The following DNAI3 variants were observed in gnomAD, a reference collection of about 807,000 sequenced individuals.
DNAI3 encodes dynein axonemal intermediate chain 3, also known as WD repeat domain 63.
DNAI3 carries 83 observed loss-of-function variants against 115.5 expected under a neutral mutation model. The ratio of observed to expected loss-of-function variants is 0.72; its 90% confidence interval spans 0.60 to 0.86. The LOEUF (loss-of-function observed/expected upper bound fraction) is 0.86, where lower values mean the gene tolerates loss of function less well. Among genes scored for constraint, DNAI3 ranks in the 40% least tolerant of loss-of-function variants. DNAI3 has a pLI of 0.00. For missense variants in DNAI3, 1,004 were observed against 1,075.8 expected, an observed-to-expected ratio of 0.93 and a Z score of 0.93; for synonymous variants, 320 against 347.0, an observed-to-expected ratio of 0.92 and a Z score of 0.86.
chr1:85,114,031 T>TTTTTTTTTA (rs1655737790), intron 16 of DNAI3, among the ~76,000 whole-genome samples: 4 of 125,912 alleles, frequency 3.2e-5, no homozygotes, highest in African/African-American at 8.4e-5. Flanking sequence ...TTTTTTTTTT[T>TTTTTTTTTA]GAGAAGGAGT....
chr1:85,106,045 C>T (rs1655482048), intron 14 of DNAI3, among the ~76,000 whole-genome samples: 1 of 152,136 alleles, frequency 6.6e-6, no homozygotes, highest in Non-Finnish European at 1.5e-5. Flanking sequence ...GAGACTGAGG[C>T]AGGAGAATCA....
intron 4 of DNAI3, 36 bp downstream of exon 4, chr1:85,081,451 C>G (rs756616445): frequency 2.9e-5 from 44 of 1,499,884 alleles, no homozygotes; most frequent in Non-Finnish European, 3.8e-5. Context: ...TCAGTCCTAC[C>G]TCAAGAAGTT....
intron 13 of DNAI3, 133 bp downstream of exon 13, chr1:85,098,791 A>C: frequency 7.5e-7 from 1 of 1,336,216 alleles, no homozygotes; most frequent in Non-Finnish European, 1.0e-6. Flanking sequence ...GCATCAAAAA[A>C]TGGGGTTACT....
chr1:85,064,951 T>C (rs1020231470), intron 1 of DNAI3, among the ~76,000 whole-genome samples: 1 of 152,124 alleles, frequency 6.6e-6, no homozygotes, highest in African/African-American at 2.4e-5. Context: ...GAGAATCGCT[T>C]GAACCCGGGA....
In DNAI3 at chr1:85,079,716, T is replaced by C. The variant is rs567788164; in HGVS notation, c.104-1518T>C. Among the ~76,000 whole-genome samples, 28 of 152,176 alleles carry C rather than the reference T, an allele frequency of 1.8e-4. No homozygotes were observed. In the South Asian group the frequency reaches 5.8e-3, roughly 32 times the overall value. On this transcript the variant is annotated intron_variant, in intron 3 of 22. Coordinates refer to ENST00000294664, the MANE Select transcript of DNAI3 (RefSeq NM_145172.5). ...GGAGGGCAGCAGGCAAAATTCTCCTTTGTCCTCTAGCGTCCACCCTCCCAG... is the reference window on the plus strand; with the variant it reads ...GGAGGGCAGCAGGCAAAATTCTCCTCTGTCCTCTAGCGTCCACCCTCCCAG...
chr1:85,096,084 CTTGG>C, intron 11 of DNAI3, 64 bp downstream of exon 11: 1 of 1,462,094 alleles, frequency 6.8e-7, no homozygotes, highest in South Asian at 1.1e-5. Flanking sequence ...TAAGTTTTGA[CTTGG>C]CAGTTCCTTG....
chr1:85,091,306 AATCC>A (rs1654966405), intron 8 of DNAI3, among the ~76,000 whole-genome samples: 1 of 152,222 alleles, frequency 6.6e-6, no homozygotes, highest in Non-Finnish European at 1.5e-5. Context: ...GTTCAAAATA[AATCC>A]ACATTGTATA....
At chr1:85,093,802 ACTGTCATGTGTC>A in intron 9 of DNAI3, 154 bp downstream of exon 9, 1 of 857,022 alleles carries the variant, frequency 1.2e-6, no homozygotes, top group Non-Finnish European at 1.9e-6. Flanking sequence ...CCACGCCCTC[ACTGTCATGTGTC>A]CTCCCAACAA....
intron 8 of DNAI3, among the ~76,000 whole-genome samples, chr1:85,092,670 A>C (rs796758833): frequency 1.3e-5 from 2 of 152,264 alleles, no homozygotes; most frequent in African/African-American, 4.8e-5. Context: ...GGTATCTTAA[A>C]GGAGCAATGT....
intron 3 of DNAI3, among the ~76,000 whole-genome samples, chr1:85,074,029 G>A (rs1407532110): frequency 6.6e-6 from 1 of 152,156 alleles, no homozygotes; most frequent in African/African-American, 2.4e-5. Context: ...TATTTATTGA[G>A]TTAGTGAAAC....
chr1:85,080,293 C>T (rs1263217510), intron 3 of DNAI3, among the ~76,000 whole-genome samples: 1 of 151,994 alleles, frequency 6.6e-6, no homozygotes, highest in Non-Finnish European at 1.5e-5. Flanking sequence ...CCTCGTGATC[C>T]GCCTGCCTCG....
intron 15 of DNAI3, among the ~76,000 whole-genome samples, chr1:85,109,482 T>A (rs1227632543): frequency 6.6e-6 from 1 of 152,138 alleles, no homozygotes; most frequent in Non-Finnish European, 1.5e-5. Flanking sequence ...CATCTAAGAA[T>A]AATTGCATAG....
intron 12 of DNAI3, 129 bp from the exon 13 acceptor site, chr1:85,098,401 C>G (rs964679114): frequency 2.7e-6 from 3 of 1,098,672 alleles, no homozygotes; most frequent in African/African-American, 3.2e-5. Flanking sequence ...TAGAGAAACA[C>G]TAATTTATGT....
chr1:85,132,734 A>C (rs1232185696), intron 22 of DNAI3, 121 bp from the exon 23 acceptor site: 4 of 1,269,296 alleles, frequency 3.2e-6, no homozygotes, highest in Non-Finnish European at 3.2e-6. Context: ...CCTGCCCTCC[A>C]TCCAGCCCTT....
chr1:85,066,521 G>T (rs1223180293), intron 1 of DNAI3, among the ~76,000 whole-genome samples: 1 of 151,586 alleles, frequency 6.6e-6, no homozygotes, highest in Non-Finnish European at 1.5e-5. Context: ...TAGAGACGGG[G>T]GTTTCACTGT....
At chr1:85,124,609 C>T (rs892177305) in intron 19 of DNAI3, among the ~76,000 whole-genome samples, 1 of 152,176 alleles carries the variant, frequency 6.6e-6, no homozygotes, top group Non-Finnish European at 1.5e-5. Context: ...CTGCTCACTG[C>T]AGCCTCGACT....
intron 7 of DNAI3, among the ~76,000 whole-genome samples, chr1:85,088,884 A>C (rs911733118): frequency 7.2e-5 from 11 of 152,060 alleles, no homozygotes; most frequent in African/African-American, 2.7e-4. Flanking sequence ...TTAAAAGGTG[A>C]AGCTGAGAAT....
chr1:85,108,908 G>A (rs1655574825), intron 15 of DNAI3, among the ~76,000 whole-genome samples: 1 of 152,316 alleles, frequency 6.6e-6, no homozygotes, highest in East Asian at 1.9e-4. Context: ...TTATCCAATA[G>A]CATGTCAGTT....
chr1:85,090,310 C>G, intron 8 of DNAI3, 78 bp downstream of exon 8: 1 of 719,972 alleles, frequency 1.4e-6, no homozygotes. Context: ...TCTAAATAAA[C>G]AATTCCATAT....
Sources: gnomAD v4.1 joint callset for allele counts (sites outside exome capture counted in the v4.1 genomes callset) on GRCh38, gnomAD v4.1.1 for gene constraint, MANE v1.5 for transcripts, NCBI Gene and HGNC (gene_info 2026-07-23, HGNC 2026-07-21) for gene names.